SETD9: variants seen among roughly 807,000 people sequenced by gnomAD.
The protein encoded by SETD9 is SET domain-containing protein 9.
Under a neutral mutation model 36.4 loss-of-function variants are expected in SETD9, and 37 were observed. The observed-to-expected ratio is 1.02, with a 90% CI of 0.78 to 1.34. The LOEUF (loss-of-function observed/expected upper bound fraction) is 1.34, where lower values mean the gene tolerates loss of function less well. Ranked by LOEUF, SETD9 falls within the 40% of genes most tolerant of loss-of-function variation. The pLI, the probability that SETD9 is intolerant of heterozygous loss-of-function variation, is 0.00. For synonymous variants in SETD9, 128 were observed against 132.9 expected (o/e 0.96, Z 0.26); for missense variants, 323 against 353.2 (o/e 0.91, Z 0.69).
At position 56,912,995 on chromosome 5, in the gene SETD9, T is replaced by C. The variant is rs370330449; in HGVS notation, c.467-16T>C. ...TTCATGTTGTTATCATATTTCTTTG[T>C]CTTGTTGTGTAATAGGTACAGTATA... On this transcript the variant is annotated splice_polypyrimidine_tract_variant and intron_variant, in intron 2 of 5. Coordinates refer to ENST00000285947, the MANE Select transcript of SETD9 (RefSeq NM_153706.4). The C allele has an allele frequency of 1.3e-5, 21 of 1,610,114 alleles. No individual in the cohort carries two copies. The African/African-American group carries it at 2.8e-4, about 22-fold the overall frequency.
chr5:56,917,789 C>T (rs1390226891), downstream of SETD9, among the ~76,000 whole-genome samples: 1 of 152,196 alleles, frequency 6.6e-6, no homozygotes, highest in Non-Finnish European at 1.5e-5. Flanking sequence ...CTGGCTGCAG[C>T]CCTGAAGCTA....
intron 1 of SETD9, chr5:56,910,063 A>G: frequency 7.8e-7 from 1 of 1,282,950 alleles, no homozygotes; most frequent in Non-Finnish European, 9.9e-7. Flanking sequence ...CGGGCCCGCG[A>G]GGCCGAGCTC....
downstream of SETD9, among the ~76,000 whole-genome samples, chr5:56,919,242 C>T (rs2112044614): frequency 1.3e-5 from 2 of 151,494 alleles, no homozygotes. Context: ...TTTCCTGCCT[C>T]AGCCTCCTGA....
chr5:56,910,396 T>G, intron 1 of SETD9: 2 of 1,303,882 alleles, frequency 1.5e-6, no homozygotes, highest in Non-Finnish European at 2.0e-6. Flanking sequence ...CGGATTGGGG[T>G]GAGTCCCGCC....
chr5:56,910,365 G>A, intron 1 of SETD9: 2 of 1,304,246 alleles, frequency 1.5e-6, no homozygotes, highest in Non-Finnish European at 2.0e-6. Context: ...CCACTCAAAA[G>A]CACGTCGGGA....
At chr5:56,915,494 A>G (rs1749378788) in intron 5 of SETD9, among the ~76,000 whole-genome samples, 1 of 152,234 alleles carries the variant, frequency 6.6e-6, no homozygotes, top group East Asian at 1.9e-4. Context: ...TATTCAAATA[A>G]CAATTTTAAA....
At position 56,917,232 on chromosome 5, in the gene SETD9, A is replaced by C; in HGVS notation, c.*330A>C. On this transcript the variant is annotated 3_prime_UTR_variant, in exon 6 of 6. Coordinates refer to ENST00000285947, the MANE Select transcript of SETD9 (RefSeq NM_153706.4). ...TTTTGTAAGCTCTGTGGTGGTTTATAAAATTGTAGCCAGGCATCAGCAGTT... is the reference window on the plus strand; with the variant it reads ...TTTTGTAAGCTCTGTGGTGGTTTATCAAATTGTAGCCAGGCATCAGCAGTT... The C allele has an allele frequency of 9.6e-7, 1 of 1,045,326 alleles. No homozygotes were observed. The highest frequency in any genetic ancestry group is 3.4e-5 in the South Asian group (1 of 29,714). 64.8% of individuals were successfully genotyped at this position (1,045,326 alleles called of 1,614,324 possible).
chr5:56,914,574 T>TAC (rs1749326708), intron 4 of SETD9, among the ~76,000 whole-genome samples: 2 of 152,066 alleles, frequency 1.3e-5, no homozygotes, highest in Non-Finnish European at 1.5e-5. Context: ...TGTTGGTAGA[T>TAC]ATTATCTAAA....
downstream of SETD9, chr5:56,928,779 T>C (rs763374939): frequency 6.2e-7 from 1 of 1,611,498 alleles, no homozygotes; most frequent in Admixed American, 1.7e-5. Context: ...TATTCTTCTG[T>C]ATAAGATGAA....
Position 56,911,545 on chromosome 5 carries a change from A to G in SETD9, c.466+9A>G, listed in dbSNP as rs1202614997. The G allele has an allele frequency of 6.5e-7, 1 of 1,529,392 alleles. No individual in the cohort carries two copies. Among genetic ancestry groups the G allele is most frequent in the Non-Finnish European group, 8.7e-7 (1 of 1,145,596 alleles). 94.7% of individuals were successfully genotyped at this position (1,529,392 alleles called of 1,614,324 possible). On this transcript the variant is annotated intron_variant, in intron 2 of 5. Transcript: ENST00000285947. Reference sequence around the variant, plus strand: ...CGTATCTATGTATCCTGGTAACAGCACGATTAATATTATACTTTGCCAAGC... The same window carrying G: ...CGTATCTATGTATCCTGGTAACAGCGCGATTAATATTATACTTTGCCAAGC...
chr5:56,911,927 G>A (rs1022788749), intron 2 of SETD9, among the ~76,000 whole-genome samples: 9 of 152,152 alleles, frequency 5.9e-5, no homozygotes, highest in Non-Finnish European at 1.3e-4. Context: ...TTGGGAGGCC[G>A]AGGCGGGCAG....
chr5:56,909,485 G>T, upstream of SETD9: 1 of 540,116 alleles, frequency 1.9e-6, no homozygotes. Flanking sequence ...GGGGAAGGAC[G>T]AAGCCCCAGA....
In SETD9 at chr5:56,909,608, TC is replaced by T; in HGVS notation, c.-34del. On this transcript the variant is annotated 5_prime_UTR_variant, in exon 1 of 6. Transcript: ENST00000285947. The stretch of plus-strand genomic sequence containing the variant: ...GCGGGCCCGAGGCCTCGATCCGCCT[TC>T]CCCGCGCCGTCCTGGTCACGGCCCC... The T allele has an allele frequency of 6.5e-7, 1 of 1,549,874 alleles. No individual in the cohort carries two copies. Among genetic ancestry groups the T allele is most frequent in the Non-Finnish European group, 8.7e-7 (1 of 1,144,920 alleles).
downstream of SETD9, chr5:56,928,888 A>C (rs776800831): frequency 6.5e-7 from 1 of 1,540,934 alleles, no homozygotes; most frequent in Non-Finnish European, 8.9e-7. Context: ...AATAAAATTT[A>C]TGGGCCCCCA....
chr5:56,923,200 G>C lies in SETD9; in HGVS notation c.813-2133G>C, dbSNP rs544941914. ...TGAAACCATTGGTCTCGTTGGCAGA[G>C]AGACTGCCAAAGTCAGCCACAGAAA... On this transcript the variant is annotated intron_variant, in intron 5 of 5. Coordinates refer to the SETD9 transcript ENST00000628593. 3.3e-5 allele frequency: 53 copies of C among 1,614,122 alleles called. No homozygotes were observed. The South Asian group carries it at 4.0e-4, about 12-fold the overall frequency.
At chr5:56,923,675 A>G in intron 5 of SETD9, 3 of 1,614,168 alleles carry the variant, frequency 1.9e-6, no homozygotes, top group Non-Finnish European at 2.5e-6. Context: ...TAAATGCAGA[A>G]AGGTCTTCAT....
chr5:56,910,695 A>G, intron 1 of SETD9: 1 of 224,000 alleles, frequency 4.5e-6, no homozygotes, highest in Non-Finnish European at 9.2e-6. Flanking sequence ...GAGTGTCACA[A>G]AGTATACGAT....
At chr5:56,926,805 T>C (rs1750006095), downstream of SETD9, among the ~76,000 whole-genome samples, 1 of 152,120 alleles carries the variant, frequency 6.6e-6, no homozygotes, top group Non-Finnish European at 1.5e-5. Context: ...TGCCAAAACT[T>C]GGAAGCAACC....
chr5:56,921,369 A>G (rs3756586), downstream of SETD9: 13,926 of 152,454 alleles, frequency 0.091, 658 homozygotes, highest in East Asian at 0.14. Flanking sequence ...AGAAAGTAAC[A>G]CAGAGCCCAG....
Sources: gnomAD v4.1 joint callset for allele counts (sites outside exome capture counted in the v4.1 genomes callset) on GRCh38, gnomAD v4.1.1 for gene constraint, MANE v1.5 for transcripts, NCBI Gene and HGNC (gene_info 2026-07-23, HGNC 2026-07-21) for gene names.